LMAN2L: variants seen among roughly 807,000 people sequenced by gnomAD.
The protein encoded by LMAN2L is lectin, mannose binding 2 like.
LMAN2L carries 30 observed loss-of-function variants against 44.3 expected under a neutral mutation model. The observed-to-expected ratio is 0.68, with a 90% CI of 0.51 to 0.92. The LOEUF (loss-of-function observed/expected upper bound fraction) is 0.92, where lower values mean the gene tolerates loss of function less well. LMAN2L is among the 40% of genes least tolerant of loss of function. The pLI, the probability that LMAN2L is intolerant of heterozygous loss-of-function variation, is 0.00. For synonymous variants in LMAN2L, 183 were observed against 171.1 expected, an observed-to-expected ratio of 1.07 and a Z score of -0.54; for missense variants, 429 against 446.1, an observed-to-expected ratio of 0.96 and a Z score of 0.35.
chr2:96,723,776 T>C (rs1426811518), intron 4 of LMAN2L, among the ~76,000 whole-genome samples: 2 of 152,164 alleles, frequency 1.3e-5, no homozygotes, highest in Non-Finnish European at 2.9e-5. Flanking sequence ...TCTTTCCCCA[T>C]TGAATTATCT....
At chr2:96,726,641 G>A (rs1489634233) in intron 4 of LMAN2L, among the ~76,000 whole-genome samples, 3 of 151,872 alleles carry the variant, frequency 2.0e-5, no homozygotes, top group African/African-American at 7.3e-5. Flanking sequence ...AAACTTAGCT[G>A]GGAGTGGTGG....
chr2:96,709,701 G>A (rs991700413), intron 6 of LMAN2L, among the ~76,000 whole-genome samples: 3 of 152,212 alleles, frequency 2.0e-5, no homozygotes, highest in Non-Finnish European at 4.4e-5. Context: ...TGGAACGGCT[G>A]GGAAACATCC....
At chr2:96,719,540 G>A (rs1001643368) in intron 4 of LMAN2L, among the ~76,000 whole-genome samples, 2 of 151,076 alleles carry the variant, frequency 1.3e-5, no homozygotes, top group Non-Finnish European at 2.9e-5. Context: ...TTGAGTCCAA[G>A]AGTTCAAGAC....
chr2:96,710,073 C>T (rs1346157113), intron 6 of LMAN2L, among the ~76,000 whole-genome samples: 3 of 152,182 alleles, frequency 2.0e-5, no homozygotes, highest in African/African-American at 7.2e-5. Flanking sequence ...TCCCACAGGT[C>T]TGGCCTGCTC....
At chr2:96,709,908 C>G (rs1183355934) in intron 6 of LMAN2L, among the ~76,000 whole-genome samples, 1 of 152,210 alleles carries the variant, frequency 6.6e-6, no homozygotes. Context: ...TCTCCCCTGC[C>G]ATTTCTGACA....
In LMAN2L at chr2:96,712,021, A is replaced by C. The variant is rs760562425; in HGVS notation, c.512T>G (p.Val171Gly). 6.2e-7 allele frequency: 1 copy of C among 1,614,130 alleles called. No individual in the cohort carries two copies. The highest frequency in any genetic ancestry group is 2.2e-5 in the East Asian group (1 of 44,878). Residue 171 changes from valine to glycine, a missense_variant, in exon 5 of 8, where the codon GTA becomes GGA. Physicochemically the swap from Val to Gly is moderately radical, Grantham distance 109 (BLOSUM62 -3). Transcript: ENST00000264963. The stretch of plus-strand genomic sequence containing the variant: ...CACCATGGCTGAGATGTAGGGGAAT[A>C]CCCGCTGGAAAGCAGAGAGGGGGAA... Reference protein sequence around the residue: ...YPNEEKQQERVFPYISAMVNN... With the variant: ...YPNEEKQQERGFPYISAMVNN...
At chr2:96,727,948 T>A (rs963349980) in intron 4 of LMAN2L, among the ~76,000 whole-genome samples, 1 of 152,232 alleles carries the variant, frequency 6.6e-6, no homozygotes. Context: ...CCTTTCTACA[T>A]GCACTTCAGT....
intron 1 of LMAN2L, 104 bp downstream of exon 1, chr2:96,739,750 G>T: frequency 8.2e-7 from 1 of 1,222,250 alleles, no homozygotes; most frequent in Non-Finnish European, 1.2e-6. Flanking sequence ...ACCGCCAGCA[G>T]TTTCCTCCGG....
chr2:96,716,366 C>T (rs2078040621), intron 4 of LMAN2L, among the ~76,000 whole-genome samples: 1 of 151,620 alleles, frequency 6.6e-6, no homozygotes, highest in African/African-American at 2.4e-5. Flanking sequence ...ATTCTTGCAC[C>T]AGTGAAAACT....
chr2:96,738,496 T>C (rs781774534), intron 1 of LMAN2L, among the ~76,000 whole-genome samples: 9 of 151,848 alleles, frequency 5.9e-5, no homozygotes, highest in East Asian at 1.9e-4. Context: ...CTGGGCAACA[T>C]AGAAAGACCC....
At chr2:96,729,687 T>C (rs1405333573) in intron 4 of LMAN2L, among the ~76,000 whole-genome samples, 1 of 152,134 alleles carries the variant, frequency 6.6e-6, no homozygotes, top group Non-Finnish European at 1.5e-5. Context: ...TTTGTATTTT[T>C]AGTAGAGACA....
intron 4 of LMAN2L, among the ~76,000 whole-genome samples, chr2:96,717,075 G>T (rs1271435450): frequency 6.6e-6 from 1 of 151,964 alleles, no homozygotes; most frequent in Non-Finnish European, 1.5e-5. Flanking sequence ...TCACTGTGCT[G>T]TGGCTACATA....
intron 4 of LMAN2L, among the ~76,000 whole-genome samples, chr2:96,717,805 C>T (rs558459422): frequency 1.1e-4 from 16 of 147,716 alleles, no homozygotes; most frequent in South Asian, 8.6e-4. Context: ...TGCCACTATA[C>T]GCCAGTCTGG....
At chr2:96,707,946 A>C in intron 6 of LMAN2L, 113 bp from the exon 7 acceptor site, 2 of 1,078,990 alleles carry the variant, frequency 1.9e-6, no homozygotes, top group Non-Finnish European at 2.7e-6. Flanking sequence ...AGTGACCTTG[A>C]AAAAATAATT....
intron 4 of LMAN2L, among the ~76,000 whole-genome samples, chr2:96,721,677 C>G (rs963301010): frequency 6.6e-6 from 1 of 151,878 alleles, no homozygotes; most frequent in South Asian, 2.1e-4. Flanking sequence ...ATGGGGTCTC[C>G]CTATGTTGCC....
intron 4 of LMAN2L, among the ~76,000 whole-genome samples, chr2:96,715,007 T>C (rs1429559725): frequency 6.6e-6 from 1 of 152,110 alleles, no homozygotes; most frequent in East Asian, 1.9e-4. Context: ...GGCGAAATCT[T>C]GGCTCACTGC....
rs2078552378 is a variant in LMAN2L at position 96,738,033 on chromosome 2, C to G, written c.222G>C (p.Leu74=). The change falls in exon 2 of 8, where the codon CTG becomes CTC. Residue 74 remains leucine (L), a synonymous_variant. Coordinates refer to ENST00000264963, the MANE Select transcript of LMAN2L (RefSeq NM_030805.4). ...GGGTCATCACCATGGCATTGCCCAT[C>G]AGATTCCACAGTGAGGAACTGCCTG... ...VGTGSSSLWN[L]MGNAMVMTQY... 6.2e-7 allele frequency: 1 copy of G among 1,614,070 alleles called. No homozygotes were observed. Among genetic ancestry groups the G allele is most frequent in the Non-Finnish European group, 8.5e-7 (1 of 1,179,942 alleles).
At position 96,733,509 on chromosome 2, in the gene LMAN2L, T is replaced by G. The variant is rs2078449740; in HGVS notation, c.507+10A>C. The G allele has an allele frequency of 1.2e-6, 2 of 1,607,910 alleles. No individual in the cohort carries two copies. The highest frequency in any genetic ancestry group is 8.5e-7 in the Non-Finnish European group (1 of 1,174,432). ...GTGTAGCTGACCTAGGCTCTGACAC[T>G]TGCCATTACCTCTTGCTGCTTCTCC... On this transcript the variant is annotated intron_variant, in intron 4 of 7. Coordinates refer to ENST00000264963, the MANE Select transcript of LMAN2L (RefSeq NM_030805.4).
chr2:96,730,654 C>A (rs969701073), intron 4 of LMAN2L, among the ~76,000 whole-genome samples: 71 of 151,368 alleles, frequency 4.7e-4, no homozygotes, highest in Admixed American at 2.6e-4. Context: ...TACTTTATTT[C>A]CACACACTCA....
Sources: allele counts gnomAD v4.1 joint callset (sites outside exome capture counted in the v4.1 genomes callset), GRCh38; gene constraint gnomAD v4.1.1; transcripts MANE v1.5; gene names NCBI Gene and HGNC (gene_info 2026-07-23, HGNC 2026-07-21).